Variants in PCDH15 observed in about 807,000 individuals in gnomAD.
The protein encoded by PCDH15 is protocadherin related 15.
PCDH15 carries 129 observed loss-of-function variants against 178.5 expected under a neutral mutation model. The ratio of observed to expected loss-of-function variants is 0.72; its 90% CI spans 0.63 to 0.84. PCDH15 has a LOEUF of 0.84. Ranked by LOEUF, PCDH15 falls within the 40% of genes least tolerant of loss-of-function variation. The probability of loss-of-function intolerance (pLI) is 0.00; values close to 1 mark genes in which losing one functional copy is unlikely to be tolerated. For missense variants in PCDH15, 2,230 were observed against 2,099.9 expected, an observed-to-expected ratio of 1.06 and a Z score of -1.21; for synonymous variants, 800 against 732.0, an observed-to-expected ratio of 1.09 and a Z score of -1.50.
At chr10:53,888,702 T>C (rs1214366339) in intron 26 of PCDH15, among the ~76,000 whole-genome samples, 2 of 46,190 alleles carry the variant, frequency 4.3e-5, no homozygotes, top group African/African-American at 1.2e-4. Context: ...TATATATATA[T>C]ATCTCCTGTG....
intron 2 of PCDH15, among the ~76,000 whole-genome samples, chr10:54,622,659 TAATA>T (rs2093408400): frequency 1.0e-5 from 1 of 97,808 alleles, no homozygotes; most frequent in African/African-American, 4.4e-5. Flanking sequence ...ATATACTATA[TAATA>T]TATATTATAT....
chr10:55,230,217 TAG>T (rs919748794), intron 1 of PCDH15, among the ~76,000 whole-genome samples: 1 of 152,072 alleles, frequency 6.6e-6, no homozygotes, highest in African/African-American at 2.4e-5. Flanking sequence ...TTATTTGGAA[TAG>T]AGTTATTAAT....
chr10:54,934,066 C>T (rs187665118), intron 2 of PCDH15, among the ~76,000 whole-genome samples: 4 of 152,196 alleles, frequency 2.6e-5, no homozygotes, highest in African/African-American at 9.6e-5. Context: ...CCTAAAATAA[C>T]GTCATGTATA....
chr10:54,985,819 T>C (rs1051112721), intron 2 of PCDH15, among the ~76,000 whole-genome samples: 38 of 152,228 alleles, frequency 2.5e-4, no homozygotes, highest in African/African-American at 9.2e-4. Context: ...ATGTCTCACA[T>C]ATAAATAGGA....
intron 18 of PCDH15, among the ~76,000 whole-genome samples, chr10:54,041,612 A>T (rs2093547747): frequency 6.6e-6 from 1 of 152,118 alleles, no homozygotes; most frequent in South Asian, 2.1e-4. Context: ...TTACATTCTA[A>T]TGGGAAAGAC....
intron 18 of PCDH15, among the ~76,000 whole-genome samples, chr10:54,034,581 G>T (rs1174395659): frequency 6.6e-6 from 1 of 151,766 alleles, no homozygotes; most frequent in East Asian, 1.9e-4. Flanking sequence ...GAATTAATTG[G>T]AAGAAACAAC....
intron 2 of PCDH15, among the ~76,000 whole-genome samples, chr10:55,368,907 C>G (rs1359631009): frequency 6.9e-6 from 1 of 145,732 alleles, no homozygotes; most frequent in Non-Finnish European, 1.5e-5. Context: ...AGAAAGCAGA[C>G]AATTTTTTTA....
chr10:54,512,497 T>G (rs940078513), intron 3 of PCDH15, among the ~76,000 whole-genome samples: 1 of 151,904 alleles, frequency 6.6e-6, no homozygotes, highest in East Asian at 1.9e-4. Flanking sequence ...TTCATTTTAA[T>G]TTTTTAATGA....
chr10:55,106,549 G>A (rs1383530383), intron 2 of PCDH15, among the ~76,000 whole-genome samples: 1 of 152,084 alleles, frequency 6.6e-6, no homozygotes, highest in African/African-American at 2.4e-5. Flanking sequence ...CTGAGTAGCT[G>A]GGATTACAGG....
At chr10:55,084,025 T>C (rs1331773045) in intron 2 of PCDH15, among the ~76,000 whole-genome samples, 3 of 151,740 alleles carry the variant, frequency 2.0e-5, no homozygotes, top group Non-Finnish European at 1.5e-5. Context: ...GATAATGTAA[T>C]TCCTATCAAA....
intron 2 of PCDH15, among the ~76,000 whole-genome samples, chr10:54,986,271 CA>C (rs1298705241): frequency 4.7e-5 from 7 of 150,380 alleles, no homozygotes; most frequent in Non-Finnish European, 8.8e-5. Context: ...AGTAAGGAGA[CA>C]AAAACTTGAA....
rs768320525 is a variant in PCDH15, at chr10:54,388,845, T to A, written c.158-9903A>T. 1.0e-3 allele frequency among the ~76,000 whole-genome samples: 159 copies of A among 152,288 alleles called. 1 individual carries two copies. The highest frequency in any genetic ancestry group is 6.6e-4 in the Non-Finnish European group (45 of 68,024). ...ACAAATCCATACTGAATCATATTTA[T>A]CCATATAAGGACCCTCCTCCATGAT... On this transcript the variant is annotated intron_variant, in intron 3 of 37. Coordinates refer to ENST00000644397, the MANE Select transcript of PCDH15 (RefSeq NM_001384140.1).
At chr10:54,211,354 A>G (rs1444162429) in intron 10 of PCDH15, among the ~76,000 whole-genome samples, 1 of 152,186 alleles carries the variant, frequency 6.6e-6, no homozygotes, top group Non-Finnish European at 1.5e-5. Flanking sequence ...ATCACATTTT[A>G]AAGTATGCTT....
At chr10:54,913,943 T>C (rs564039160) in intron 2 of PCDH15, among the ~76,000 whole-genome samples, 1 of 152,186 alleles carries the variant, frequency 6.6e-6, no homozygotes, top group Non-Finnish European at 1.5e-5. Context: ...ATCTTAGAAC[T>C]AACTATCTTG....
chr10:53,869,910 A>G (rs1589169734), intron 26 of PCDH15, among the ~76,000 whole-genome samples: 1 of 152,192 alleles, frequency 6.6e-6, no homozygotes, highest in Non-Finnish European at 1.5e-5. Context: ...AAAACTTTAC[A>G]TTGACTGAAT....
intron 2 of PCDH15, among the ~76,000 whole-genome samples, chr10:55,078,405 G>T (rs1395668221): frequency 6.6e-6 from 1 of 151,994 alleles, no homozygotes; most frequent in African/African-American, 2.4e-5. Context: ...CATCAAATAG[G>T]TTTTCCAACT....
At chr10:53,975,862 G>C (rs2090142120) in intron 21 of PCDH15, among the ~76,000 whole-genome samples, 1 of 152,098 alleles carries the variant, frequency 6.6e-6, no homozygotes, top group African/African-American at 2.4e-5. Flanking sequence ...TGTCTAGAAT[G>C]ATATTTCTTA....
intron 2 of PCDH15, among the ~76,000 whole-genome samples, chr10:55,541,401 A>T (rs556850082): frequency 1.6e-4 from 24 of 151,942 alleles, no homozygotes; most frequent in Non-Finnish European, 3.1e-4. Flanking sequence ...AGTAATCTAC[A>T]TCTTCTTACT....
At chr10:55,304,225 C>A (rs1301490894) in intron 1 of PCDH15, among the ~76,000 whole-genome samples, 1 of 152,158 alleles carries the variant, frequency 6.6e-6, no homozygotes, top group African/African-American at 2.4e-5. Flanking sequence ...TGCTCAGCTG[C>A]ACTTTTCCTG....
Sources: gnomAD v4.1 joint callset for allele counts (sites outside exome capture counted in the v4.1 genomes callset) on GRCh38, gnomAD v4.1.1 for gene constraint, MANE v1.5 for transcripts, NCBI Gene and HGNC (gene_info 2026-07-23, HGNC 2026-07-21) for gene names.